DNAJC6: variants seen among roughly 807,000 people sequenced by gnomAD.
The protein encoded by DNAJC6 is auxilin.
A neutral mutation model predicts 110.0 loss-of-function variants in DNAJC6; 34 were observed. The ratio of observed to expected loss-of-function variants is 0.31; its 90% CI spans 0.24 to 0.41. The LOEUF (loss-of-function observed/expected upper bound fraction) is 0.41, where lower values mean the gene tolerates loss of function less well. DNAJC6 is among the 10% of genes least tolerant of loss of function. The pLI is 1.00. For synonymous variants in DNAJC6, 406 were observed against 437.2 expected, an observed-to-expected ratio of 0.93 and a Z score of 0.89; for missense variants, 1,031 against 1,207.8, an observed-to-expected ratio of 0.85 and a Z score of 2.17.
intron 1 of DNAJC6, among the ~76,000 whole-genome samples, chr1:65,310,369 T>C (rs1645088224): frequency 6.6e-6 from 1 of 152,236 alleles, no homozygotes; most frequent in Non-Finnish European, 1.5e-5. Context: ...TTTTGCAGCA[T>C]GCAGACGGTA....
intron 5 of DNAJC6, among the ~76,000 whole-genome samples, chr1:65,380,904 G>GTTTTGTT (rs1645811510): frequency 9.3e-6 from 1 of 107,034 alleles, no homozygotes; most frequent in African/African-American, 5.6e-5. Flanking sequence ...TTTTTTTTTT[G>GTTTTGTT]TTTTTTGTTT....
At chr1:65,275,685 G>A (rs569172434) in intron 1 of DNAJC6, among the ~76,000 whole-genome samples, 10 of 151,918 alleles carry the variant, frequency 6.6e-5, no homozygotes, top group South Asian at 2.1e-4. Flanking sequence ...CTGGGACTCC[G>A]GGTACCTTTA....
chr1:65,328,601 A>C (rs1476700585), intron 1 of DNAJC6, among the ~76,000 whole-genome samples: 1 of 152,212 alleles, frequency 6.6e-6, no homozygotes, highest in African/African-American at 2.4e-5. Context: ...CAAGGTACCA[A>C]ACAGTTCCAA....
At chr1:65,347,871 T>C (rs1266637258) in intron 1 of DNAJC6, among the ~76,000 whole-genome samples, 1 of 152,186 alleles carries the variant, frequency 6.6e-6, no homozygotes, top group Non-Finnish European at 1.5e-5. Context: ...CTCTGATATA[T>C]GGTTTTGTAA....
At chr1:65,368,883 T>A (rs1382784852) in intron 4 of DNAJC6, among the ~76,000 whole-genome samples, 2 of 151,558 alleles carry the variant, frequency 1.3e-5, no homozygotes, top group Non-Finnish European at 2.9e-5. Context: ...CTGATTCTTG[T>A]ACCTCAGTCA....
rs770344233 is a variant in DNAJC6, at chr1:65,379,475, A to G, written c.617A>G (p.Tyr206Cys). The change falls in exon 5 of 19, where the codon TAT (tyrosine) becomes TGT (cysteine). Residue 206 changes from tyrosine to cysteine, a missense_variant. Transcript: ENST00000371069. ...CTTTTTGCTGTGTGTCGGAATATGT[A>G]TAACTGGCTACTGCAGAATCCCAAA... ...HNLFAVCRNMYNWLLQNPKNV... is the reference protein window; with the variant it reads ...HNLFAVCRNMCNWLLQNPKNV... 1.9e-6 allele frequency: 3 copies of G among 1,614,042 alleles called. No homozygotes were observed. The highest frequency in any genetic ancestry group is 2.2e-5 in the East Asian group (1 of 44,890).
At chr1:65,384,703 A>T (rs1380679598) in intron 6 of DNAJC6, among the ~76,000 whole-genome samples, 1 of 152,060 alleles carries the variant, frequency 6.6e-6, no homozygotes, top group Non-Finnish European at 1.5e-5. Context: ...CCATGATTCA[A>T]TTACCTCCCA....
At chr1:65,275,368 A>T (rs1203857978) in intron 1 of DNAJC6, among the ~76,000 whole-genome samples, 1 of 152,218 alleles carries the variant, frequency 6.6e-6, no homozygotes, top group Non-Finnish European at 1.5e-5. Context: ...ATGGGGAAGC[A>T]GGTGTTCCCC....
At chr1:65,308,272 A>G (rs1369141094), upstream of DNAJC6, among the ~76,000 whole-genome samples, 2 of 152,184 alleles carry the variant, frequency 1.3e-5, no homozygotes, top group Admixed American at 6.5e-5. Flanking sequence ...GCTCAAGTAC[A>G]TTTTACATGC....
chr1:65,331,548 T>C (rs942136068), intron 1 of DNAJC6, among the ~76,000 whole-genome samples: 2 of 152,214 alleles, frequency 1.3e-5, no homozygotes, highest in African/African-American at 2.4e-5. Context: ...CACCTGTTTA[T>C]CTTAGTGCAC....
At chr1:65,330,127 C>T (rs1645274160) in intron 1 of DNAJC6, among the ~76,000 whole-genome samples, 1 of 152,164 alleles carries the variant, frequency 6.6e-6, no homozygotes, top group African/African-American at 2.4e-5. Context: ...CTCTTTCAGT[C>T]TTTCCTCATG....
rs1399115823 is a variant in DNAJC6 at position 65,309,607 on chromosome 1, T to C, written c.-139T>C. 3 of 1,281,630 alleles carry C rather than the reference T, an allele frequency of 2.3e-6. No homozygotes were observed. In the African/African-American group the frequency reaches 4.9e-5, roughly 21 times the overall value. The allele number at this position is 1,281,630 out of a possible 1,614,324, so 79.4% of individuals were successfully genotyped here. ...GGCGAAGCTTCTCTCCGGTGGCCGC[T>C]CCTTCTTTTCCCTCCTCTTTGCGTC... is the stretch of plus-strand genomic sequence containing the variant. On this transcript the variant is annotated 5_prime_UTR_variant, in exon 1 of 19. Coordinates refer to ENST00000371069, the MANE Select transcript of DNAJC6 (RefSeq NM_001256864.2).
intron 9 of DNAJC6, among the ~76,000 whole-genome samples, chr1:65,388,909 G>C (rs971250066): frequency 2.2e-4 from 33 of 152,148 alleles, no homozygotes; most frequent in African/African-American, 7.5e-4. Context: ...GAGTTGCTGG[G>C]GCCAGGATAG....
chr1:65,356,096 T>G (rs1366180110), intron 1 of DNAJC6, among the ~76,000 whole-genome samples: 1 of 152,116 alleles, frequency 6.6e-6, no homozygotes, highest in Non-Finnish European at 1.5e-5. Context: ...AAGCCTGTAT[T>G]TTAATACAGG....
intron 1 of DNAJC6, among the ~76,000 whole-genome samples, chr1:65,355,315 C>G (rs60903347): frequency 6.6e-6 from 1 of 150,604 alleles, no homozygotes; most frequent in Non-Finnish European, 1.5e-5. Context: ...GGCCCTGGCA[C>G]TTTATTGCAG....
chr1:65,361,976 GT>G (rs1439674325), intron 1 of DNAJC6, among the ~76,000 whole-genome samples: 2 of 152,086 alleles, frequency 1.3e-5, no homozygotes, highest in African/African-American at 4.8e-5. Flanking sequence ...AAAAAATAAA[GT>G]TGCAAAATTA....
intron 1 of DNAJC6, among the ~76,000 whole-genome samples, chr1:65,317,821 T>C (rs1324759206): frequency 6.6e-6 from 1 of 152,082 alleles, no homozygotes. Flanking sequence ...TAAAGTGCAA[T>C]AGGGGTGCAG....
chr1:65,375,673 G>A (rs767807062), intron 4 of DNAJC6, among the ~76,000 whole-genome samples: 52 of 152,190 alleles, frequency 3.4e-4, no homozygotes, highest in Non-Finnish European at 6.6e-4. Context: ...TGATCCGCCT[G>A]CCTCAGCCTC....
intron 1 of DNAJC6, among the ~76,000 whole-genome samples, chr1:65,350,268 C>T (rs1031819722): frequency 1.6e-4 from 24 of 152,196 alleles, no homozygotes; most frequent in East Asian, 3.9e-4. Flanking sequence ...TTTGCAGTTT[C>T]GAATCTCCTG....
Sources: allele counts gnomAD v4.1 joint callset (sites outside exome capture counted in the v4.1 genomes callset), GRCh38; gene constraint gnomAD v4.1.1; transcripts MANE v1.5; gene names NCBI Gene and HGNC (gene_info 2026-07-23, HGNC 2026-07-21).